Variants in ADAMTS20 observed in about 807,000 individuals in gnomAD.
The protein encoded by ADAMTS20 is A disintegrin and metalloproteinase with thrombospondin motifs 20.
In ADAMTS20, 225 loss-of-function variants were observed where a neutral mutation model predicts 260.1. The ratio of observed to expected loss-of-function variants is 0.87; its 90% confidence interval spans 0.78 to 0.97. The LOEUF (loss-of-function observed/expected upper bound fraction) is 0.97. Among genes scored for constraint, ADAMTS20 ranks in the 50% least tolerant of loss-of-function variants. The probability of loss-of-function intolerance (pLI) is 0.00; values close to 1 mark genes in which losing one functional copy is unlikely to be tolerated. For synonymous variants in ADAMTS20, 802 were observed against 769.5 expected (o/e 1.04, Z -0.70); for missense variants, 2,400 against 2,337.7 (o/e 1.03, Z -0.55).
At chr12:43,374,422 A>G (rs1191516120) in intron 36 of ADAMTS20, among the ~76,000 whole-genome samples, 1 of 152,150 alleles carries the variant, frequency 6.6e-6, no homozygotes, top group Non-Finnish European at 1.5e-5. Flanking sequence ...TCATGTAGAT[A>G]TGTAACTTTC....
intron 28 of ADAMTS20, among the ~76,000 whole-genome samples, chr12:43,419,719 C>T (rs566767097): frequency 6.6e-6 from 1 of 151,982 alleles, no homozygotes; most frequent in East Asian, 1.9e-4. Flanking sequence ...CTTCACTCAA[C>T]ATTATAACAC....
intron 11 of ADAMTS20, among the ~76,000 whole-genome samples, chr12:43,456,980 A>C (rs1045797584): frequency 1.3e-5 from 2 of 152,214 alleles, no homozygotes; most frequent in Non-Finnish European, 2.9e-5. Flanking sequence ...GTTAAACTTT[A>C]AAATGGAGAA....
intron 3 of ADAMTS20, among the ~76,000 whole-genome samples, chr12:43,521,387 G>A (rs1943069842): frequency 6.6e-6 from 1 of 151,902 alleles, no homozygotes; most frequent in South Asian, 2.1e-4. Flanking sequence ...CAGTTCTCAT[G>A]TATTCGCAAA....
chr12:43,415,428 T>G (rs1471381537), intron 28 of ADAMTS20, among the ~76,000 whole-genome samples: 1 of 152,226 alleles, frequency 6.6e-6, no homozygotes, highest in East Asian at 1.9e-4. Flanking sequence ...TCAAGTAGAC[T>G]TGTTTCAGAT....
intron 3 of ADAMTS20, among the ~76,000 whole-genome samples, chr12:43,517,404 A>C (rs978206464): frequency 6.6e-6 from 1 of 152,020 alleles, no homozygotes; most frequent in Non-Finnish European, 1.5e-5. Flanking sequence ...AATAAACAAA[A>C]CAGTTAGAAA....
chr12:43,440,830 C>T (rs1941649472), intron 16 of ADAMTS20, among the ~76,000 whole-genome samples: 1 of 151,774 alleles, frequency 6.6e-6, no homozygotes, highest in Non-Finnish European at 1.5e-5. Flanking sequence ...GTCGGGAGGC[C>T]GAGACGGGCG....
Position 43,375,471 on chromosome 12 carries a change from C to T in ADAMTS20, c.5354G>A (p.Arg1785Lys), listed in dbSNP as rs766858848. The T allele has an allele frequency of 2.5e-6, 4 of 1,613,288 alleles. No individual in the cohort carries two copies. In the South Asian group the frequency reaches 3.3e-5, roughly 13 times the overall value. ...TCCATTGTCACATTCACAGTCTTCC[C>T]TTCTACTCCCATTAAAAGGACATTG... Reference protein sequence around the residue: ...PYQCPFNGSRREDCECDNGHL... With the variant: ...PYQCPFNGSRKEDCECDNGHL... The change falls in exon 36 of 39, where the codon AGG (arginine) becomes AAG (lysine). Residue 1785 changes from arginine to lysine, a missense_variant. Physicochemically the swap from Arg to Lys is conservative, Grantham distance 26. Coordinates refer to ENST00000389420, the MANE Select transcript of ADAMTS20 (RefSeq NM_025003.5).
intron 28 of ADAMTS20, among the ~76,000 whole-genome samples, chr12:43,424,329 T>G (rs562081240): frequency 3.9e-5 from 6 of 152,200 alleles, no homozygotes; most frequent in African/African-American, 1.4e-4. Flanking sequence ...TAAATAATCA[T>G]GAACAAAGTT....
intron 3 of ADAMTS20, among the ~76,000 whole-genome samples, chr12:43,505,902 A>C (rs759468483): frequency 3.9e-5 from 6 of 152,230 alleles, no homozygotes; most frequent in African/African-American, 7.2e-5. Context: ...CCAAATGTCC[A>C]TTGACAAAGG....
At position 43,551,341 on chromosome 12, in the gene ADAMTS20, C is replaced by G. The variant is rs1191553150; in HGVS notation, c.92-71G>C. Reference sequence around the variant, plus strand: ...TTGTCCAACTCTAAACTTCTTCCACCAAACGTCCCCGCTAAAGGTCCCAGG... The same window carrying G: ...TTGTCCAACTCTAAACTTCTTCCACGAAACGTCCCCGCTAAAGGTCCCAGG... On this transcript the variant is annotated intron_variant, in intron 1 of 38. Coordinates refer to ENST00000389420, the MANE Select transcript of ADAMTS20 (RefSeq NM_025003.5). The surrounding 1 kb of genome is among the most constrained non-coding windows in gnomAD (Gnocchi z 4.6). 2.6e-6 allele frequency: 4 copies of G among 1,536,422 alleles called. No individual in the cohort carries two copies. In the South Asian group the frequency reaches 5.1e-5, roughly 19 times the overall value.
intron 30 of ADAMTS20, 29 bp from the exon 31 acceptor site, chr12:43,383,757 A>G: frequency 6.2e-7 from 1 of 1,613,610 alleles, no homozygotes; most frequent in Non-Finnish European, 8.5e-7. Context: ...AATGAATAAC[A>G]CATTCTTATA....
chr12:43,390,590 C>G (rs1940576033), intron 29 of ADAMTS20, among the ~76,000 whole-genome samples: 1 of 152,198 alleles, frequency 6.6e-6, no homozygotes, highest in South Asian at 2.1e-4. Flanking sequence ...CTATCTTCCA[C>G]AAAACACTGG....
intron 8 of ADAMTS20, 23 bp from the exon 9 acceptor site, chr12:43,466,818 A>T: frequency 6.5e-7 from 1 of 1,532,988 alleles, no homozygotes; most frequent in Non-Finnish European, 8.9e-7. Context: ...ATAAACACTT[A>T]AAAGGAATAT....
At chr12:43,530,733 C>T (rs1409054967) in intron 3 of ADAMTS20, among the ~76,000 whole-genome samples, 7 of 152,098 alleles carry the variant, frequency 4.6e-5, no homozygotes, top group Admixed American at 4.6e-4. Context: ...CATGAAGATA[C>T]ATGTACCTTA....
chr12:43,507,150 T>A (rs949232550), intron 3 of ADAMTS20, among the ~76,000 whole-genome samples: 43 of 152,194 alleles, frequency 2.8e-4, no homozygotes, highest in African/African-American at 9.6e-4. Flanking sequence ...GGTGATGATG[T>A]GTTAATTTGA....
intron 7 of ADAMTS20, among the ~76,000 whole-genome samples, chr12:43,481,840 C>A (rs1942446968): frequency 6.6e-6 from 1 of 152,020 alleles, no homozygotes; most frequent in Middle Eastern, 3.2e-3. Context: ...TTCCAAGAAG[C>A]AACACAGGAA....
chr12:43,371,617 C>T (rs1940108626), intron 36 of ADAMTS20, among the ~76,000 whole-genome samples: 1 of 152,026 alleles, frequency 6.6e-6, no homozygotes, highest in Non-Finnish European at 1.5e-5. Flanking sequence ...AGGGGTAAAC[C>T]ACACAGACAG....
intron 20 of ADAMTS20, 65 bp from the exon 21 acceptor site, chr12:43,432,533 C>T: frequency 6.3e-7 from 1 of 1,599,100 alleles, no homozygotes; most frequent in South Asian, 1.1e-5. Flanking sequence ...AATTATACTT[C>T]AGAGTAACAT....
chr12:43,512,503 C>T (rs1253948107), intron 3 of ADAMTS20, among the ~76,000 whole-genome samples: 1 of 151,724 alleles, frequency 6.6e-6, no homozygotes, highest in East Asian at 1.9e-4. Flanking sequence ...ATCTACAGTC[C>T]TCTGTGATTT....
Sources: allele counts gnomAD v4.1 joint callset (sites outside exome capture counted in the v4.1 genomes callset), GRCh38; gene constraint gnomAD v4.1.1; non-coding constraint Gnocchi (gnomAD v3.1); transcripts MANE v1.5; gene names NCBI Gene and HGNC (gene_info 2026-07-23, HGNC 2026-07-21).